The following KIAA0930 variants were observed in gnomAD, a reference collection of about 807,000 sequenced individuals.
KIAA0930 encodes the protein KIAA0930.
A neutral mutation model predicts 43.9 loss-of-function variants in KIAA0930; 24 were observed. The ratio of observed to expected loss-of-function variants is 0.55; its 90% CI spans 0.40 to 0.77. The LOEUF (loss-of-function observed/expected upper bound fraction) is 0.77. Among genes scored for constraint, KIAA0930 ranks in the 30% least tolerant of loss-of-function variants. The pLI is 0.00. For missense variants in KIAA0930, 461 were observed against 574.2 expected (o/e 0.80, Z 2.02); for synonymous variants, 259 against 216.4 (o/e 1.20, Z -1.73).
At chr22:45,208,169 ACT>A (rs2083655778) in intron 2 of KIAA0930, among the ~76,000 whole-genome samples, 1 of 152,182 alleles carries the variant, frequency 6.6e-6, no homozygotes, top group South Asian at 2.1e-4. Flanking sequence ...GCCATGGTAC[ACT>A]CTGCAGGCAT....
intron 1 of KIAA0930, among the ~76,000 whole-genome samples, chr22:45,219,771 T>G (rs2083756504): frequency 6.6e-6 from 1 of 152,026 alleles, no homozygotes; most frequent in Non-Finnish European, 1.5e-5. Context: ...TTTGTATTTT[T>G]GGTAGAGACA....
rs1274748066 is a variant in KIAA0930, at chr22:45,233,643, T to C, written c.64+6997A>G. On this transcript the variant is annotated intron_variant, in intron 1 of 9. Coordinates refer to ENST00000336156, the MANE Select transcript of KIAA0930 (RefSeq NM_001009880.2). Reference sequence around the variant, plus strand: ...CTGACTCACCAGGGGACCTGGTGGCTGCTCTCAGGACGCTGGGAGGGTGGG... The same window carrying C: ...CTGACTCACCAGGGGACCTGGTGGCCGCTCTCAGGACGCTGGGAGGGTGGG... Among the ~76,000 whole-genome samples the C allele has an allele frequency of 8.5e-5, 13 of 152,196 alleles. No homozygotes were observed. In the East Asian group the frequency reaches 2.3e-3, roughly 27 times the overall value.
intron 1 of KIAA0930, among the ~76,000 whole-genome samples, chr22:45,217,695 T>C (rs984566369): frequency 5.3e-5 from 8 of 152,214 alleles, no homozygotes; most frequent in African/African-American, 1.9e-4. Context: ...TTTTCGACAC[T>C]GCATGAATGT....
chr22:45,223,776 TAA>T (rs1444100488), intron 1 of KIAA0930, among the ~76,000 whole-genome samples: 72 of 146,548 alleles, frequency 4.9e-4, no homozygotes, highest in African/African-American at 1.7e-3. Flanking sequence ...CAGCACCAGA[TAA>T]GCACCCAGGG....
intron 4 of KIAA0930, 85 bp from the exon 5 acceptor site, chr22:45,205,403 A>T: frequency 8.1e-7 from 1 of 1,236,842 alleles, no homozygotes; most frequent in Non-Finnish European, 1.2e-6. Flanking sequence ...TAGGGAGGCC[A>T]CCCGGCCCAG....
intron 2 of KIAA0930, among the ~76,000 whole-genome samples, chr22:45,209,760 A>T (rs2083676477): frequency 6.6e-6 from 1 of 152,146 alleles, no homozygotes; most frequent in Non-Finnish European, 1.5e-5. Context: ...GCATCTGCAC[A>T]TGGCTCACAG....
At chr22:45,211,088 C>T (rs1238097062) in intron 2 of KIAA0930, among the ~76,000 whole-genome samples, 1 of 152,130 alleles carries the variant, frequency 6.6e-6, no homozygotes, top group African/African-American at 2.4e-5. Flanking sequence ...ATCCATCCCG[C>T]GTGTGTTCAG....
At chr22:45,228,566 TAC>T (rs1436293345) in intron 1 of KIAA0930, among the ~76,000 whole-genome samples, 1 of 152,072 alleles carries the variant, frequency 6.6e-6, no homozygotes, top group Non-Finnish European at 1.5e-5. Context: ...CTCAGCAAAT[TAC>T]AGTGTGAACC....
At chr22:45,202,400 T>G (rs2083596493) in intron 7 of KIAA0930, among the ~76,000 whole-genome samples, 1 of 152,224 alleles carries the variant, frequency 6.6e-6, no homozygotes, top group Non-Finnish European at 1.5e-5. Context: ...CAAGAGACCT[T>G]GTGACCTGGG....
chr22:45,226,586 A>G (rs1272218682), intron 1 of KIAA0930, among the ~76,000 whole-genome samples: 16 of 152,012 alleles, frequency 1.1e-4, no homozygotes, highest in Admixed American at 1.0e-3. Flanking sequence ...ATATCTCCTA[A>G]GCACAATCAT....
intron 1 of KIAA0930, among the ~76,000 whole-genome samples, chr22:45,240,260 A>G (rs543504465): frequency 1.3e-5 from 2 of 152,318 alleles, no homozygotes; most frequent in African/African-American, 4.8e-5. Flanking sequence ...GGGTGTACCC[A>G]GATCCCACGC....
chr22:45,209,613 C>T (rs995477685), intron 2 of KIAA0930, among the ~76,000 whole-genome samples: 3 of 152,180 alleles, frequency 2.0e-5, no homozygotes, highest in African/African-American at 4.8e-5. Context: ...GCACTCCCCC[C>T]ACCACCGCCG....
chr22:45,232,407 G>A (rs1350493164), intron 1 of KIAA0930, among the ~76,000 whole-genome samples: 1 of 152,208 alleles, frequency 6.6e-6, no homozygotes, highest in Non-Finnish European at 1.5e-5. Context: ...CGTGGAGTAA[G>A]GGAACTCTGC....
At chr22:45,231,883 C>T (rs148583003) in intron 1 of KIAA0930, among the ~76,000 whole-genome samples, 3,294 of 152,152 alleles carry the variant, frequency 0.022, 51 homozygotes, top group Non-Finnish European at 0.032. Context: ...CCCAGCTACT[C>T]GGGAGGCTGA....
At chr22:45,226,133 C>A (rs6007506) in intron 1 of KIAA0930, 1 of 410,794 alleles carries the variant, frequency 2.4e-6, no homozygotes, top group Non-Finnish European at 5.2e-6. Context: ...AGAGAGCACG[C>A]GGCAGCCTCT....
intron 1 of KIAA0930, chr22:45,213,353 T>C (rs2083711165): frequency 1.5e-6 from 2 of 1,303,530 alleles, no homozygotes; most frequent in African/African-American, 1.5e-5. Flanking sequence ...TCCTGGGCTC[T>C]AGGGCAGTGA....
Position 45,203,085 on chromosome 22 carries a change from G to C in KIAA0930, c.757C>G (p.His253Asp), listed in dbSNP as rs1332404677. 1 of 1,613,844 alleles carries C rather than the reference G, an allele frequency of 6.2e-7. No individual in the cohort carries two copies. Reference protein sequence around the residue: ...VRMKGPQGKGHAEMAVSRVST... With the variant: ...VRMKGPQGKGDAEMAVSRVST... ...ACTCGGCTGACCGCCATCTCGGCGT[G>C]GCCCTTGCCCTGGGGGCCCTTCATG... is the stretch of plus-strand genomic sequence containing the variant. Residue 253 changes from histidine to aspartate, a missense_variant, in exon 7 of 10, where the codon CAC (histidine) becomes GAC (aspartate). Coordinates refer to ENST00000336156, the MANE Select transcript of KIAA0930 (RefSeq NM_001009880.2).
In KIAA0930 at chr22:45,196,928, G is replaced by A. The variant is rs1017901165; in HGVS notation, c.*248C>T. ...CTCTTTGGGTGCAGAGGGCTCTCCA[G>A]AGATGGGTGGGGGGCGATGGGCGGG... On this transcript the variant is annotated 3_prime_UTR_variant, in exon 10 of 10. Coordinates refer to ENST00000336156, the MANE Select transcript of KIAA0930 (RefSeq NM_001009880.2). The surrounding 1 kb of genome is among the most constrained non-coding windows in gnomAD (Gnocchi z 4.1). 4.1e-6 allele frequency: 2 copies of A among 483,262 alleles called. No individual in the cohort carries two copies. Among genetic ancestry groups the A allele is most frequent in the African/African-American group, 4.1e-5 (2 of 49,040 alleles). The allele number at this position is 483,262 out of a possible 1,614,324, so 29.9% of individuals were successfully genotyped here. A position where few individuals can be genotyped will look rare whatever the true frequency, so the allele number is the denominator to read the frequency against.
chr22:45,220,427 G>C (rs897208341), intron 1 of KIAA0930, among the ~76,000 whole-genome samples: 2 of 151,434 alleles, frequency 1.3e-5, no homozygotes, highest in Non-Finnish European at 2.9e-5. Flanking sequence ...CCAGCCTGGC[G>C]ACAGAGACTC....
Sources: gnomAD v4.1 joint callset for allele counts (sites outside exome capture counted in the v4.1 genomes callset) on GRCh38, gnomAD v4.1.1 for gene constraint, Gnocchi (gnomAD v3.1) non-coding constraint, MANE v1.5 for transcripts, NCBI Gene and HGNC (gene_info 2026-07-23, HGNC 2026-07-21) for gene names.